The following CNTN1 variants were observed in gnomAD, a reference collection of about 807,000 sequenced individuals.
CNTN1 encodes the protein contactin-1.
In CNTN1, 38 loss-of-function variants were observed where a neutral mutation model predicts 126.4. The observed-to-expected ratio is 0.30, with a 90% CI of 0.23 to 0.39. The LOEUF is 0.39. Ranked by LOEUF, CNTN1 falls within the 10% of genes least tolerant of loss-of-function variation. CNTN1 has a pLI of 1.00. For synonymous variants in CNTN1, 413 were observed against 422.6 expected (o/e 0.98, Z 0.28); for missense variants, 1,009 against 1,248.4 (o/e 0.81, Z 2.89).
chr12:40,809,814 TCACACACACA>T (rs3223354), intron 1 of CNTN1, among the ~76,000 whole-genome samples: 35 of 146,848 alleles, frequency 2.4e-4, no homozygotes, highest in South Asian at 4.4e-4. Flanking sequence ...AGACTCTGTC[TCACACACACA>T]CACACACACA....
chr12:40,736,331 C>T (rs992877024), intron 1 of CNTN1, among the ~76,000 whole-genome samples: 2 of 151,918 alleles, frequency 1.3e-5, no homozygotes, highest in African/African-American at 4.8e-5. Flanking sequence ...TCTCAGACCA[C>T]GGCAAACAAA....
chr12:40,918,698 T>C lies in CNTN1; in HGVS notation c.154T>C (p.Tyr52His). The change falls in exon 4 of 24, where the codon TAT (tyrosine) becomes CAT (histidine). Residue 52 changes from tyrosine to histidine, a missense_variant. Tyr to His is a moderately conservative substitution (Grantham distance 83). Coordinates refer to ENST00000551295, the MANE Select transcript of CNTN1 (RefSeq NM_001843.4). ...TGAAGAGCAGCCAATCAATACCATT[T>C]ATCCAGAGGAATCACTGGAAGGAAA... is the stretch of plus-strand genomic sequence containing the variant. Reference protein sequence around the residue: ...IFEEQPINTIYPEESLEGKVS... With the variant: ...IFEEQPINTIHPEESLEGKVS... The C allele has an allele frequency of 6.2e-7, 1 of 1,612,946 alleles. No individual in the cohort carries two copies. The highest frequency in any genetic ancestry group is 8.5e-7 in the Non-Finnish European group (1 of 1,178,916).
chr12:40,787,346 G>A (rs1371832637), intron 1 of CNTN1, among the ~76,000 whole-genome samples: 1 of 152,100 alleles, frequency 6.6e-6, no homozygotes, highest in East Asian at 1.9e-4. Flanking sequence ...ACTCTGCTTA[G>A]CACTTTTGGG....
intron 1 of CNTN1, among the ~76,000 whole-genome samples, chr12:40,730,430 T>C (rs1475350024): frequency 6.6e-6 from 1 of 152,206 alleles, no homozygotes; most frequent in Non-Finnish European, 1.5e-5. Context: ...GTGAGTCAAG[T>C]GTGCTGTTAG....
rs181650215 is a variant in CNTN1, at chr12:40,847,701, C to T, written c.-76-60656C>T. Among the ~76,000 whole-genome samples, 282 of 152,264 alleles carry T rather than the reference C, an allele frequency of 1.9e-3. 1 individual carries two copies. Among genetic ancestry groups the T allele is most frequent in the African/African-American group, 6.6e-3 (274 of 41,560 alleles). On this transcript the variant is annotated intron_variant, in intron 1 of 23. Coordinates refer to ENST00000551295, the MANE Select transcript of CNTN1 (RefSeq NM_001843.4). ...CAATTATATTTTACTAGTTATATCC[C>T]AGGCACATTCTTGAATAAGAAGTTG...
intron 1 of CNTN1, among the ~76,000 whole-genome samples, chr12:40,744,386 G>A (rs374846758): frequency 6.6e-6 from 1 of 152,040 alleles, no homozygotes; most frequent in African/African-American, 2.4e-5. Context: ...ATCAATTTCA[G>A]TAGATTTCTG....
chr12:40,863,609 G>C (rs1943187079), intron 1 of CNTN1, among the ~76,000 whole-genome samples: 1 of 152,124 alleles, frequency 6.6e-6, no homozygotes, highest in Non-Finnish European at 1.5e-5. Flanking sequence ...TTGCACAGCA[G>C]GAGGTGAGCA....
intron 1 of CNTN1, among the ~76,000 whole-genome samples, chr12:40,799,917 A>G (rs973909741): frequency 6.6e-6 from 1 of 152,062 alleles, no homozygotes; most frequent in Non-Finnish European, 1.5e-5. Flanking sequence ...TAACTTGGCT[A>G]TGGACAAACA....
intron 15 of CNTN1, among the ~76,000 whole-genome samples, chr12:40,962,018 T>C (rs961688242): frequency 1.3e-5 from 2 of 152,100 alleles, no homozygotes; most frequent in African/African-American, 4.8e-5. Context: ...AGTGGTGCAA[T>C]GAGAAGGACA....
chr12:40,940,226 C>A (rs900240172), intron 12 of CNTN1, among the ~76,000 whole-genome samples: 9 of 151,632 alleles, frequency 5.9e-5, no homozygotes, highest in African/African-American at 2.2e-4. Flanking sequence ...GTGAGGGCAG[C>A]ATGTACAAAG....
At position 40,924,463 on chromosome 12, in the gene CNTN1, C is replaced by T. The variant is rs7299744; in HGVS notation, c.401-94C>T. 80,554 of 731,302 alleles carry T rather than the reference C, an allele frequency of 0.11. 4,765 individuals carry two copies. Among genetic ancestry groups the T allele is most frequent in the Non-Finnish European group, 0.12 (48,463 of 405,328 alleles). The allele number at this position is 731,302 out of a possible 1,614,324, so 45.3% of individuals were successfully genotyped here. On this transcript the variant is annotated intron_variant, in intron 5 of 23. Transcript: ENST00000551295. ...AACCACTGAGAAGTGCTGTATCTCACGAATGAGTTATTTGCTGAAAGGTAA... is the reference window on the plus strand; with the variant it reads ...AACCACTGAGAAGTGCTGTATCTCATGAATGAGTTATTTGCTGAAAGGTAA...
At chr12:40,831,265 T>C (rs1375882927) in intron 1 of CNTN1, among the ~76,000 whole-genome samples, 2 of 151,140 alleles carry the variant, frequency 1.3e-5, no homozygotes, top group Non-Finnish European at 3.0e-5. Context: ...AGATTACTTA[T>C]GGATGATTAG....
chr12:40,928,853 T>G (rs1388286114), intron 6 of CNTN1, among the ~76,000 whole-genome samples: 1 of 152,066 alleles, frequency 6.6e-6, no homozygotes, highest in Admixed American at 6.6e-5. Flanking sequence ...TTTGTCATGA[T>G]TATTCATCTT....
rs184019180 is a variant in CNTN1, at chr12:40,822,488, A to C, written c.-76-85869A>C. Among the ~76,000 whole-genome samples, 188 of 152,152 alleles carry C rather than the reference A, an allele frequency of 1.2e-3. 3 individuals are homozygous for C. Among genetic ancestry groups the C allele is most frequent in the African/African-American group, 4.2e-3 (174 of 41,526 alleles). On this transcript the variant is annotated intron_variant, in intron 1 of 23. Coordinates refer to ENST00000551295, the MANE Select transcript of CNTN1 (RefSeq NM_001843.4). Reference sequence around the variant, plus strand: ...GTTATGATTGGAATTGTGATGTATGAGTTCTTCTGTACATTTTCTTCCTCA... The same window carrying C: ...GTTATGATTGGAATTGTGATGTATGCGTTCTTCTGTACATTTTCTTCCTCA...
chr12:40,993,050 TA>T (rs1364605770), intron 16 of CNTN1, 69 bp from the exon 17 acceptor site: 2 of 1,414,314 alleles, frequency 1.4e-6, no homozygotes, highest in Non-Finnish European at 1.0e-6. Flanking sequence ...AATAGTAAAA[TA>T]AAAAGGGAAG....
chr12:40,712,146 C>A (rs944697599), intron 1 of CNTN1, among the ~76,000 whole-genome samples: 3 of 152,132 alleles, frequency 2.0e-5, no homozygotes, highest in Non-Finnish European at 4.4e-5. Flanking sequence ...CTAAAATATC[C>A]TTATTTCATA....
Position 40,845,108 on chromosome 12 carries a change from C to T in CNTN1, c.-76-63249C>T, listed in dbSNP as rs74076661. Among the ~76,000 whole-genome samples the T allele has an allele frequency of 3.9e-3, 592 of 152,228 alleles. 3 individuals are homozygous for T. The highest frequency in any genetic ancestry group is 0.014 in the African/African-American group (571 of 41,526). On this transcript the variant is annotated intron_variant, in intron 1 of 23. Coordinates refer to ENST00000551295, the MANE Select transcript of CNTN1 (RefSeq NM_001843.4). ...GAGATATGCTCAGCATCAATATAAACGTAATTTTTCTTTAAAAGAGCTAGT... is the reference window on the plus strand; with the variant it reads ...GAGATATGCTCAGCATCAATATAAATGTAATTTTTCTTTAAAAGAGCTAGT...
At chr12:40,853,748 A>G (rs901252255) in intron 1 of CNTN1, among the ~76,000 whole-genome samples, 4 of 151,904 alleles carry the variant, frequency 2.6e-5, no homozygotes, top group African/African-American at 7.2e-5. Context: ...TAGCTTTGAT[A>G]TCAGGAGTTA....
At position 40,810,477 on chromosome 12, in the gene CNTN1, C is replaced by A. The variant is rs528891509; in HGVS notation, c.-76-97880C>A. Among the ~76,000 whole-genome samples the A allele has an allele frequency of 2.0e-5, 3 of 152,212 alleles. No individual in the cohort carries two copies. The South Asian group carries it at 6.2e-4, about 32-fold the overall frequency. On this transcript the variant is annotated intron_variant, in intron 1 of 23. Transcript: ENST00000551295. The stretch of plus-strand genomic sequence containing the variant: ...ATAGTCACCATGTTTTACGTGAGGT[C>A]TCTAGAACTTATTCATCTTACAACT...
Sources: gnomAD v4.1 joint callset for allele counts (sites outside exome capture counted in the v4.1 genomes callset) on GRCh38, gnomAD v4.1.1 for gene constraint, MANE v1.5 for transcripts, NCBI Gene and HGNC (gene_info 2026-07-23, HGNC 2026-07-21) for gene names.